Variants in TAF1B observed in about 807,000 individuals in gnomAD.
TAF1B encodes the protein TATA box-binding protein-associated factor RNA polymerase I subunit B.
TAF1B carries 61 observed loss-of-function variants against 83.9 expected under a neutral mutation model. The observed-to-expected ratio is 0.73, with a 90% CI of 0.59 to 0.90. The LOEUF (loss-of-function observed/expected upper bound fraction) is 0.90, where lower values mean the gene tolerates loss of function less well. Ranked by LOEUF, TAF1B falls within the 40% of genes least tolerant of loss-of-function variation. TAF1B has a pLI of 0.00. For synonymous variants in TAF1B, 221 were observed against 224.6 expected (o/e 0.98, Z 0.14); for missense variants, 625 against 677.0 (o/e 0.92, Z 0.85).
At chr2:9,891,172 G>A (rs1664861871) in intron 8 of TAF1B, among the ~76,000 whole-genome samples, 1 of 152,166 alleles carries the variant, frequency 6.6e-6, no homozygotes, top group Admixed American at 6.5e-5. Context: ...AGATTGTAAT[G>A]GAGCTGAAAA....
intron 7 of TAF1B, 109 bp from the exon 8 acceptor site, chr2:9,882,597 C>T: frequency 1.7e-6 from 1 of 583,318 alleles, no homozygotes; most frequent in Admixed American, 3.5e-5. Flanking sequence ...ATAGAATATG[C>T]TTAACTAATT....
chr2:9,888,803 T>G lies in TAF1B; in HGVS notation c.807+5998T>G, dbSNP rs200784006. 2.7e-3 allele frequency among the ~76,000 whole-genome samples: 271 copies of G among 98,826 alleles called. 1 individual carries two copies. The highest frequency in any genetic ancestry group is 5.0e-3 in the Non-Finnish European group (195 of 39,330). The allele number at this position is 98,826 out of a possible 152,430, so 64.8% of individuals were successfully genotyped here. A position where few individuals can be genotyped will look rare whatever the true frequency, so the allele number is the denominator to read the frequency against. On this transcript the variant is annotated intron_variant, in intron 8 of 14. Coordinates refer to ENST00000263663, the MANE Select transcript of TAF1B (RefSeq NM_005680.3). The stretch of plus-strand genomic sequence containing the variant: ...TTCTTCTGCTTGGTTTTTTTTTTTT[T>G]TTTTTTTTTTTTTTTTTAAGACAAA...
intron 6 of TAF1B, 101 bp downstream of exon 6, chr2:9,868,530 C>T: frequency 6.8e-7 from 1 of 1,464,800 alleles, no homozygotes. Context: ...GGAACTTGGT[C>T]TAGCGAGGAA....
At position 9,917,430 on chromosome 2, in the gene TAF1B, C is replaced by T. The variant is rs539304906; in HGVS notation, c.1272-1611C>T. On this transcript the variant is annotated intron_variant, in intron 12 of 14. Coordinates refer to ENST00000263663, the MANE Select transcript of TAF1B (RefSeq NM_005680.3). ...TTTAAAATATTTGTATTTCTGGCTT[C>T]CTATTTTTAATCTGTTTTTCTGGAA... 7.6e-4 allele frequency among the ~76,000 whole-genome samples: 116 copies of T among 152,102 alleles called. No individual in the cohort carries two copies. The Middle Eastern group carries it at 0.017, about 22-fold the overall frequency.
intron 6 of TAF1B, chr2:9,868,663 G>A (rs150737308): frequency 0.02 from 13,428 of 664,174 alleles, 188 homozygotes; most frequent in Non-Finnish European, 0.029. Context: ...GATTTTAAAG[G>A]GACATAAAGT....
At chr2:9,921,264 T>C (rs72782699) in intron 14 of TAF1B, among the ~76,000 whole-genome samples, 11,434 of 152,118 alleles carry the variant, frequency 0.075, 648 homozygotes, top group Non-Finnish European at 0.11. Context: ...GCTAATTTTT[T>C]ATTTTTTGCA....
At chr2:9,888,459 T>G (rs561258119) in intron 8 of TAF1B, among the ~76,000 whole-genome samples, 6 of 152,194 alleles carry the variant, frequency 3.9e-5, no homozygotes, top group Non-Finnish European at 7.3e-5. Context: ...TAACATTTCT[T>G]GTAGTACAGT....
intron 7 of TAF1B, among the ~76,000 whole-genome samples, chr2:9,876,997 A>T (rs1444333659): frequency 6.6e-6 from 1 of 152,192 alleles, no homozygotes; most frequent in African/African-American, 2.4e-5. Context: ...GTAAATGATG[A>T]TAGTGCCTTT....
intron 5 of TAF1B, among the ~76,000 whole-genome samples, chr2:9,868,005 C>T (rs1664047680): frequency 6.6e-6 from 1 of 152,136 alleles, no homozygotes; most frequent in Non-Finnish European, 1.5e-5. Flanking sequence ...AAGATATTAG[C>T]GCTGTAAGAG....
intron 7 of TAF1B, among the ~76,000 whole-genome samples, chr2:9,878,468 A>G: frequency 6.6e-6 from 1 of 152,068 alleles, no homozygotes; most frequent in Non-Finnish European, 1.5e-5. Context: ...GTTTTAAGGG[A>G]GTATGTTATT....
intron 7 of TAF1B, among the ~76,000 whole-genome samples, chr2:9,879,018 A>C (rs543134555): frequency 2.5e-4 from 38 of 152,366 alleles, no homozygotes; most frequent in African/African-American, 8.7e-4. Context: ...AAATAGAGCC[A>C]GTGTGAATAT....
Position 9,876,022 on chromosome 2 carries a change from A to G in TAF1B, c.707+4A>G. The G allele has an allele frequency of 6.3e-7, 1 of 1,598,980 alleles. No homozygotes were observed. Among genetic ancestry groups the G allele is most frequent in the Non-Finnish European group, 8.6e-7 (1 of 1,168,504 alleles). On this transcript the variant is annotated splice_donor_region_variant and intron_variant, in intron 7 of 14. Transcript: ENST00000263663. Reference sequence around the variant, plus strand: ...TAACACTTTCAGATCTTTTGAGGTTAGCTAGACCTCTTGTATGATAATATT... The same window carrying G: ...TAACACTTTCAGATCTTTTGAGGTTGGCTAGACCTCTTGTATGATAATATT...
intron 1 of TAF1B, among the ~76,000 whole-genome samples, chr2:9,844,184 T>C (rs1572204471): frequency 1.3e-5 from 2 of 152,318 alleles, no homozygotes; most frequent in African/African-American, 4.8e-5. Flanking sequence ...AAGATCTCAC[T>C]TCTTCCCCCA....
In TAF1B at chr2:9,933,971, T is replaced by A. The variant is rs534584111; in HGVS notation, c.1754T>A (p.Val585Glu). The part of the protein sequence containing the change: ...VKRKKSRSKK[V>E]RRH Reference sequence around the variant, plus strand: ...AGAAAGAAATCAAGATCCAAGAAAGTGAGACGACATTGAGAAAATGAAATA... The same window carrying A: ...AGAAAGAAATCAAGATCCAAGAAAGAGAGACGACATTGAGAAAATGAAATA... Residue 585 changes from valine to glutamate, a missense_variant, in exon 15 of 15, where the codon GTG becomes GAG. Transcript: ENST00000263663. 27 of 1,594,442 alleles carry A rather than the reference T, an allele frequency of 1.7e-5. No individual in the cohort carries two copies. In the Admixed American group the frequency reaches 3.8e-4, roughly 22 times the overall value.
At chr2:9,922,368 C>T (rs1665903339) in intron 14 of TAF1B, among the ~76,000 whole-genome samples, 1 of 152,152 alleles carries the variant, frequency 6.6e-6, no homozygotes, top group Admixed American at 6.5e-5. Context: ...TTCAGAGTGA[C>T]CTCCCAGCTG....
chr2:9,894,415 T>C (rs561178332), intron 8 of TAF1B, among the ~76,000 whole-genome samples: 2 of 152,264 alleles, frequency 1.3e-5, no homozygotes, highest in Admixed American at 1.3e-4. Flanking sequence ...ATTTTAGTGG[T>C]AAATATATAA....
chr2:9,856,858 C>CT (rs1386511581), intron 5 of TAF1B, among the ~76,000 whole-genome samples: 3 of 152,110 alleles, frequency 2.0e-5, no homozygotes, highest in Non-Finnish European at 4.4e-5. Flanking sequence ...CAGCTATACT[C>CT]TATTTTGAAA....
At chr2:9,892,473 G>A (rs1044442289) in intron 8 of TAF1B, among the ~76,000 whole-genome samples, 2 of 152,058 alleles carry the variant, frequency 1.3e-5, no homozygotes, top group African/African-American at 4.8e-5. Flanking sequence ...CAACAACTCC[G>A]CATTCCCTCC....
intron 9 of TAF1B, among the ~76,000 whole-genome samples, chr2:9,908,497 G>A (rs951187611): frequency 6.6e-6 from 1 of 152,100 alleles, no homozygotes; most frequent in Non-Finnish European, 1.5e-5. Flanking sequence ...TTTAGTGAAG[G>A]TATTTTAAAA....
Sources: allele counts gnomAD v4.1 joint callset (sites outside exome capture counted in the v4.1 genomes callset), GRCh38; gene constraint gnomAD v4.1.1; transcripts MANE v1.5; gene names NCBI Gene and HGNC (gene_info 2026-07-23, HGNC 2026-07-21).